The following GRID2 variants were observed in gnomAD, a reference collection of about 807,000 sequenced individuals.
GRID2 encodes the protein glutamate ionotropic receptor delta type subunit 2, also known as glutamate receptor ionotropic, delta-2.
In GRID2, 33 loss-of-function variants were observed where a neutral mutation model predicts 114.8. That is an observed-to-expected ratio of 0.29 (90% confidence interval 0.22 to 0.38). The LOEUF (loss-of-function observed/expected upper bound fraction) is 0.38, where lower values mean the gene tolerates loss of function less well. Among genes scored for constraint, GRID2 ranks in the 10% least tolerant of loss-of-function variants. The pLI is 1.00. For missense variants in GRID2, 1,184 were observed against 1,257.7 expected (o/e 0.94, Z 0.89); for synonymous variants, 505 against 449.9 (o/e 1.12, Z -1.55).
At chr4:93,162,808 T>C (rs1230660308) in intron 4 of GRID2, among the ~76,000 whole-genome samples, 3 of 152,034 alleles carry the variant, frequency 2.0e-5, no homozygotes, top group Middle Eastern at 3.4e-3. Context: ...ATCTTCATCA[T>C]GGTCAAATAA....
intron 1 of GRID2, among the ~76,000 whole-genome samples, chr4:92,320,753 C>T (rs1579175007): frequency 6.6e-6 from 1 of 152,308 alleles, no homozygotes; most frequent in Non-Finnish European, 1.5e-5. Flanking sequence ...GCTGGGATTA[C>T]AGGCATGAGC....
chr4:93,021,307 CT>C (rs2149245762), intron 2 of GRID2, among the ~76,000 whole-genome samples: 1 of 151,026 alleles, frequency 6.6e-6, no homozygotes, highest in Admixed American at 6.6e-5. Context: ...TCTAAAACTA[CT>C]TTGCTAAACA....
Position 92,710,358 on chromosome 4 carries a change from G to A in GRID2, c.244+120072G>A, listed in dbSNP as rs976138162. On this transcript the variant is annotated intron_variant, in intron 2 of 15. Coordinates refer to ENST00000282020, the MANE Select transcript of GRID2 (RefSeq NM_001510.4). ...TTGAATCTTATTTTGATTATTTATA[G>A]TTTGTGGGTGCATTTAAAGATAACC... Among the ~76,000 whole-genome samples, 7 of 152,160 alleles carry A rather than the reference G, an allele frequency of 4.6e-5. No homozygotes were observed. In the East Asian group the frequency reaches 1.2e-3, roughly 25 times the overall value.
intron 13 of GRID2, among the ~76,000 whole-genome samples, chr4:93,524,815 G>GTATA (rs1211931758): frequency 1.2e-4 from 6 of 49,236 alleles, no homozygotes; most frequent in African/African-American, 5.9e-4. Context: ...ATATATATAT[G>GTATA]TATGTATGTA....
chr4:93,749,071 G>C (rs972335968), intron 14 of GRID2, among the ~76,000 whole-genome samples: 1 of 152,008 alleles, frequency 6.6e-6, no homozygotes, highest in African/African-American at 2.4e-5. Context: ...AAAGTGGGTG[G>C]GGGTGGGGAT....
chr4:93,542,359 A>AGT (rs1732736415), intron 13 of GRID2, among the ~76,000 whole-genome samples: 1 of 152,180 alleles, frequency 6.6e-6, no homozygotes, highest in Non-Finnish European at 1.5e-5. Flanking sequence ...CCTTGGTTTC[A>AGT]ATAATTTTTC....
chr4:93,042,135 C>T (rs999590874), intron 2 of GRID2, among the ~76,000 whole-genome samples: 20 of 152,024 alleles, frequency 1.3e-4, no homozygotes, highest in East Asian at 1.9e-4. Context: ...AATCTTCTGA[C>T]CTCGTGATCT....
chr4:93,508,101 T>A (rs1728814683), intron 12 of GRID2, among the ~76,000 whole-genome samples: 1 of 152,056 alleles, frequency 6.6e-6, no homozygotes, highest in Non-Finnish European at 1.5e-5. Flanking sequence ...GGCACATGTA[T>A]ACATATGTAA....
At chr4:92,803,452 G>T (rs985023235) in intron 2 of GRID2, among the ~76,000 whole-genome samples, 2 of 151,896 alleles carry the variant, frequency 1.3e-5, no homozygotes, top group Non-Finnish European at 2.9e-5. Flanking sequence ...ATATTATTTT[G>T]ATGTCATTTT....
intron 2 of GRID2, among the ~76,000 whole-genome samples, chr4:92,916,027 A>G (rs1478242727): frequency 6.6e-6 from 1 of 152,026 alleles, no homozygotes; most frequent in Non-Finnish European, 1.5e-5. Flanking sequence ...TTATTTGCTC[A>G]CTCTCTTAAT....
At chr4:92,913,128 T>C (rs925144037) in intron 2 of GRID2, among the ~76,000 whole-genome samples, 2 of 151,878 alleles carry the variant, frequency 1.3e-5, no homozygotes, top group African/African-American at 2.4e-5. Context: ...TTAAAATTTC[T>C]GTACTTCTCA....
chr4:93,297,057 C>T (rs1278041154), intron 8 of GRID2, among the ~76,000 whole-genome samples: 1 of 152,120 alleles, frequency 6.6e-6, no homozygotes, highest in South Asian at 2.1e-4. Context: ...ATCATTTAAG[C>T]CCTGGTCATA....
chr4:92,427,695 A>G (rs768689909), intron 1 of GRID2, among the ~76,000 whole-genome samples: 11 of 152,234 alleles, frequency 7.2e-5, no homozygotes, highest in Non-Finnish European at 1.6e-4. Context: ...AATAGAGCGA[A>G]TAGACCAAGT....
At chr4:93,268,494 C>T (rs1751099670) in intron 8 of GRID2, among the ~76,000 whole-genome samples, 3 of 152,092 alleles carry the variant, frequency 2.0e-5, no homozygotes, top group Admixed American at 1.3e-4. Context: ...ATAACAAAAA[C>T]TATAGGGTAA....
chr4:92,568,671 A>G (rs544866335), intron 1 of GRID2, among the ~76,000 whole-genome samples: 82 of 152,122 alleles, frequency 5.4e-4, no homozygotes, highest in African/African-American at 1.8e-3. Flanking sequence ...TTCATTACCC[A>G]GGTATTAAGC....
chr4:93,779,303 A>G (rs58174947), downstream of GRID2, among the ~76,000 whole-genome samples: 53,602 of 151,708 alleles, frequency 0.35, 9,710 homozygotes, highest in Middle Eastern at 0.47. Flanking sequence ...AAGATCAATC[A>G]GTCCACCAAC....
chr4:92,965,848 A>G (rs768573024), intron 2 of GRID2, among the ~76,000 whole-genome samples: 24 of 151,856 alleles, frequency 1.6e-4, no homozygotes, highest in Non-Finnish European at 2.8e-4. Flanking sequence ...TGATTTGCTG[A>G]CTTATTCTTT....
chr4:93,138,004 G>A (rs1735430034), intron 4 of GRID2, among the ~76,000 whole-genome samples: 1 of 114,978 alleles, frequency 8.7e-6, no homozygotes, highest in Non-Finnish European at 1.6e-5. Flanking sequence ...ATAGGGCCTA[G>A]CTCTGTCACC....
chr4:92,971,254 A>G (rs538197285), intron 2 of GRID2, among the ~76,000 whole-genome samples: 1 of 152,180 alleles, frequency 6.6e-6, no homozygotes, highest in African/African-American at 2.4e-5. Flanking sequence ...GAATTTTCTT[A>G]ATGCATATTT....
Sources: allele counts gnomAD v4.1 joint callset (sites outside exome capture counted in the v4.1 genomes callset), GRCh38; gene constraint gnomAD v4.1.1; transcripts MANE v1.5; gene names NCBI Gene and HGNC (gene_info 2026-07-23, HGNC 2026-07-21).